The following CDC14A variants were observed in gnomAD, a reference collection of about 807,000 sequenced individuals.
The protein encoded by CDC14A is dual specificity protein phosphatase CDC14A.
A neutral mutation model predicts 74.4 loss-of-function variants in CDC14A; 53 were observed. The ratio of observed to expected loss-of-function variants is 0.71; its 90% CI spans 0.57 to 0.89. CDC14A has a LOEUF of 0.89. Among genes scored for constraint, CDC14A ranks in the 40% least tolerant of loss-of-function variants. The pLI, the probability that CDC14A is intolerant of heterozygous loss-of-function variation, is 0.00. For missense variants in CDC14A, 646 were observed against 713.7 expected, an observed-to-expected ratio of 0.91 and a Z score of 1.08; for synonymous variants, 247 against 258.4, an observed-to-expected ratio of 0.96 and a Z score of 0.43.
rs577585720 is a variant in CDC14A at position 100,427,815 on chromosome 1, G to A, written c.389+3514G>A. ...GTATAGTCTGTATACATGTATAGGT[G>A]TGTAAAACAGTTACAGTGCTTTGTT... On this transcript the variant is annotated intron_variant, in intron 5 of 15. Coordinates refer to ENST00000336454, the MANE Select transcript of CDC14A (RefSeq NM_003672.4). 5.3e-4 allele frequency among the ~76,000 whole-genome samples: 80 copies of A among 152,288 alleles called. No homozygotes were observed. The Middle Eastern group carries it at 0.01, about 19-fold the overall frequency.
In CDC14A at chr1:100,518,295, A is replaced by T. The variant is rs1249674105; in HGVS notation, c.*15A>T. Reference sequence around the variant, plus strand: ...TTCATTACTAAGGCCTTGCCACTCCAGTGAAAGCTGTTCTTCTCTTAGACA... The same window carrying T: ...TTCATTACTAAGGCCTTGCCACTCCTGTGAAAGCTGTTCTTCTCTTAGACA... On this transcript the variant is annotated 3_prime_UTR_variant, in exon 16 of 16. Transcript: ENST00000336454. 8 of 1,605,506 alleles carry T rather than the reference A, an allele frequency of 5.0e-6. No individual in the cohort carries two copies. Among genetic ancestry groups the T allele is most frequent in the Non-Finnish European group, 6.8e-6 (8 of 1,172,684 alleles).
chr1:100,427,939 C>G (rs1480138029), intron 5 of CDC14A, among the ~76,000 whole-genome samples: 1 of 152,154 alleles, frequency 6.6e-6, no homozygotes, highest in East Asian at 1.9e-4. Flanking sequence ...CCATGGAATG[C>G]CTTTCATGTT....
chr1:100,446,340 T>C lies in CDC14A; in HGVS notation c.519+3344T>C, dbSNP rs189046109. 3.3e-5 allele frequency among the ~76,000 whole-genome samples: 5 copies of C among 152,314 alleles called. No homozygotes were observed. The East Asian group carries it at 9.6e-4, about 29-fold the overall frequency. ...TCTATGTGAGATTAAAGGGGAATCT[T>C]ATAGAAAGAGTGCTACTTATAAATG... is the stretch of plus-strand genomic sequence containing the variant. On this transcript the variant is annotated intron_variant, in intron 7 of 15. Coordinates refer to ENST00000336454, the MANE Select transcript of CDC14A (RefSeq NM_003672.4).
In CDC14A at chr1:100,442,925, T is replaced by C; in HGVS notation, c.457-9T>C. ...AGCATGGAAAAACTAATTCAAATTC[T>C]GCTTTTAGGGATTACAACATGGATT... On this transcript the variant is annotated splice_polypyrimidine_tract_variant and intron_variant, in intron 6 of 15. Coordinates refer to ENST00000336454, the MANE Select transcript of CDC14A (RefSeq NM_003672.4). 6.3e-7 allele frequency: 1 copy of C among 1,577,826 alleles called. No individual in the cohort carries two copies. Among genetic ancestry groups the C allele is most frequent in the Non-Finnish European group, 8.7e-7 (1 of 1,148,030 alleles).
At chr1:100,345,502 A>G (rs939227459) in intron 1 of CDC14A, among the ~76,000 whole-genome samples, 1 of 152,166 alleles carries the variant, frequency 6.6e-6, no homozygotes, top group African/African-American at 2.4e-5. Flanking sequence ...AAAATAATGC[A>G]TACAGTTGGT....
At chr1:100,476,919 A>G (rs974608262) in intron 10 of CDC14A, among the ~76,000 whole-genome samples, 1 of 152,202 alleles carries the variant, frequency 6.6e-6, no homozygotes, top group South Asian at 2.1e-4. Flanking sequence ...GGTGGGCCCA[A>G]TTAATCACAG....
intron 15 of CDC14A, among the ~76,000 whole-genome samples, chr1:100,502,052 G>A (rs541031744): frequency 2.8e-4 from 42 of 152,178 alleles, no homozygotes; most frequent in African/African-American, 9.6e-4. Context: ...TTACAAAAGA[G>A]TCAAAAGTTA....
At chr1:100,357,133 T>A (rs557312022) in intron 2 of CDC14A, among the ~76,000 whole-genome samples, 33 of 152,282 alleles carry the variant, frequency 2.2e-4, no homozygotes, top group African/African-American at 7.9e-4. Flanking sequence ...TTGGCCAGAT[T>A]GAATTTAAGA....
At chr1:100,456,327 A>G (rs1666680711) in intron 8 of CDC14A, among the ~76,000 whole-genome samples, 1 of 152,240 alleles carries the variant, frequency 6.6e-6, no homozygotes. Flanking sequence ...TTTTCTATCT[A>G]CTAATATTCC....
intron 11 of CDC14A, among the ~76,000 whole-genome samples, chr1:100,488,806 G>A (rs1056004513): frequency 2.0e-5 from 3 of 152,188 alleles, no homozygotes; most frequent in Non-Finnish European, 4.4e-5. Flanking sequence ...AATCTATGAA[G>A]TAAAAATTAA....
At chr1:100,425,298 A>G (rs1162015967) in intron 5 of CDC14A, among the ~76,000 whole-genome samples, 2 of 152,170 alleles carry the variant, frequency 1.3e-5, no homozygotes, top group Admixed American at 1.3e-4. Flanking sequence ...CAAATCTGCA[A>G]GCATGTGTAT....
chr1:100,406,885 C>T (rs1165046174), intron 4 of CDC14A, among the ~76,000 whole-genome samples: 1 of 151,238 alleles, frequency 6.6e-6, no homozygotes, highest in Non-Finnish European at 1.5e-5. Context: ...GAGATCGTGC[C>T]ATTGGACTCC....
chr1:100,443,727 G>C (rs1255467478), intron 7 of CDC14A, among the ~76,000 whole-genome samples: 1 of 151,780 alleles, frequency 6.6e-6, no homozygotes, highest in African/African-American at 2.4e-5. Flanking sequence ...TTTTCCCCAT[G>C]GCATCATTAC....
At chr1:100,481,375 G>A (rs1197685213) in intron 10 of CDC14A, among the ~76,000 whole-genome samples, 1 of 152,124 alleles carries the variant, frequency 6.6e-6, no homozygotes, top group African/African-American at 2.4e-5. Context: ...CTGGGCTTAG[G>A]GAAGTGAAGG....
At chr1:100,501,932 T>C (rs1194006037) in intron 15 of CDC14A, among the ~76,000 whole-genome samples, 2 of 152,134 alleles carry the variant, frequency 1.3e-5, no homozygotes, top group Non-Finnish European at 2.9e-5. Context: ...GATAAGGATG[T>C]AAAGGAAGAA....
intron 5 of CDC14A, among the ~76,000 whole-genome samples, chr1:100,425,769 G>A (rs917015746): frequency 2.6e-5 from 4 of 152,160 alleles, no homozygotes; most frequent in Non-Finnish European, 5.9e-5. Context: ...CACTTCTAAT[G>A]GCTCCTATAC....
intron 1 of CDC14A, chr1:100,345,281 G>T (rs1470611594): frequency 6.6e-6 from 1 of 152,136 alleles, no homozygotes; most frequent in Admixed American, 6.6e-5. Context: ...GTGAAAATTA[G>T]ATTTTGGAAA....
At chr1:100,364,444 C>T (rs955592378) in intron 2 of CDC14A, among the ~76,000 whole-genome samples, 3 of 151,976 alleles carry the variant, frequency 2.0e-5, no homozygotes, top group Admixed American at 6.6e-5. Flanking sequence ...AATCTCTTGA[C>T]CTCGTGATCC....
chr1:100,506,854 AG>A (rs746297394), intron 15 of CDC14A, among the ~76,000 whole-genome samples: 1 of 152,162 alleles, frequency 6.6e-6, no homozygotes, highest in Non-Finnish European at 1.5e-5. Context: ...TTTGGCTAGG[AG>A]TAAAAGAAAG....
Sources: allele counts gnomAD v4.1 joint callset (sites outside exome capture counted in the v4.1 genomes callset), GRCh38; gene constraint gnomAD v4.1.1; transcripts MANE v1.5; gene names NCBI Gene and HGNC (gene_info 2026-07-23, HGNC 2026-07-21).